DCHS2: variants seen among roughly 807,000 people sequenced by gnomAD.
DCHS2 encodes the protein protocadherin-23.
A neutral mutation model predicts 182.4 loss-of-function variants in DCHS2; 142 were observed. The ratio of observed to expected loss-of-function variants is 0.78; its 90% CI spans 0.68 to 0.89. DCHS2 has a LOEUF of 0.89. Ranked by LOEUF, DCHS2 falls within the 40% of genes least tolerant of loss-of-function variation. DCHS2 has a pLI of 0.00. For synonymous variants in DCHS2, 1,740 were observed against 1,663.3 expected, an observed-to-expected ratio of 1.05 and a Z score of -1.12; for missense variants, 4,319 against 4,198.6, an observed-to-expected ratio of 1.03 and a Z score of -0.79.
intron 1 of DCHS2, among the ~76,000 whole-genome samples, chr4:154,449,465 G>A (rs577567728): frequency 3.9e-5 from 6 of 151,912 alleles, no homozygotes; most frequent in Non-Finnish European, 7.4e-5. Flanking sequence ...CCACTTCCCA[G>A]GCTCAAGGGA....
chr4:154,466,774 T>C (rs897352622), intron 1 of DCHS2, among the ~76,000 whole-genome samples: 7 of 152,234 alleles, frequency 4.6e-5, no homozygotes, highest in Non-Finnish European at 8.8e-5. Flanking sequence ...AGCTAGGTTT[T>C]AAGAAACAGA....
chr4:154,399,053 A>T (rs952558688), intron 1 of DCHS2, among the ~76,000 whole-genome samples: 1 of 152,218 alleles, frequency 6.6e-6, no homozygotes, highest in East Asian at 1.9e-4. Context: ...CATGCCTCCA[A>T]AAAACATCAT....
intron 1 of DCHS2, among the ~76,000 whole-genome samples, chr4:154,415,983 C>T (rs1290140932): frequency 6.6e-6 from 1 of 151,800 alleles, no homozygotes; most frequent in Non-Finnish European, 1.5e-5. Context: ...TGTATACATT[C>T]ACATTTATAC....
chr4:154,473,217 A>G (rs1201769278), intron 1 of DCHS2, among the ~76,000 whole-genome samples: 2 of 152,152 alleles, frequency 1.3e-5, no homozygotes, highest in South Asian at 2.1e-4. Flanking sequence ...CTCCAACTCT[A>G]TGTGAAAAAC....
chr4:154,401,637 G>T (rs184252113), intron 1 of DCHS2, among the ~76,000 whole-genome samples: 164 of 151,960 alleles, frequency 1.1e-3, no homozygotes, highest in African/African-American at 3.4e-3. Context: ...TTCTTTTATG[G>T]TCTGGGCATT....
At chr4:154,433,618 T>A (rs1199630068) in intron 1 of DCHS2, among the ~76,000 whole-genome samples, 1 of 152,032 alleles carries the variant, frequency 6.6e-6, no homozygotes. Context: ...TGGTCTATGA[T>A]CTCTTGACCT....
At position 154,406,145 on chromosome 4, in the gene DCHS2, T is replaced by C. The variant is rs565071971; in HGVS notation, c.2053-28701A>G. Among the ~76,000 whole-genome samples the C allele has an allele frequency of 2.0e-5, 3 of 152,354 alleles. No homozygotes were observed. The East Asian group carries it at 5.8e-4, about 29-fold the overall frequency. ...AACTGCATCTGTTCTCTGCTGCACC[T>C]CAGAGTCTGGGCCAGCATATGCACA... On this transcript the variant is annotated intron_variant, in intron 1 of 19. Coordinates refer to ENST00000357232, the MANE Select transcript of DCHS2 (RefSeq NM_001358235.2).
chr4:154,407,123 G>A (rs1252564613), intron 1 of DCHS2, among the ~76,000 whole-genome samples: 1 of 152,180 alleles, frequency 6.6e-6, no homozygotes, highest in Non-Finnish European at 1.5e-5. Context: ...GGCAACATGA[G>A]GGAGGACAGG....
At position 154,286,504 on chromosome 4, in the gene DCHS2, G is replaced by C. The variant is rs563640067; in HGVS notation, c.6463+11347C>G. On this transcript the variant is annotated intron_variant, in intron 13 of 19. Transcript: ENST00000357232. ...AATCCTACTGGATAACTTTAACAAAGAGATTGAAGTAATTGAAAAAATTCA... is the reference window on the plus strand; with the variant it reads ...AATCCTACTGGATAACTTTAACAAACAGATTGAAGTAATTGAAAAAATTCA... 2.4e-3 allele frequency among the ~76,000 whole-genome samples: 362 copies of C among 152,044 alleles called. 3 individuals are homozygous for C. The highest frequency in any genetic ancestry group is 4.1e-3 in the Non-Finnish European group (276 of 67,968).
intron 12 of DCHS2, chr4:154,298,930 C>A: frequency 2.2e-6 from 1 of 463,278 alleles, no homozygotes; most frequent in Non-Finnish European, 3.5e-6. Flanking sequence ...TAATATGATT[C>A]AATGCCTATC....
intron 1 of DCHS2, among the ~76,000 whole-genome samples, chr4:154,451,838 T>C (rs1482424985): frequency 1.3e-5 from 2 of 152,284 alleles, no homozygotes; most frequent in Admixed American, 6.5e-5. Flanking sequence ...TGGAACATGA[T>C]TGGAAAATTG....
chr4:154,355,227 G>A (rs1168140578), intron 3 of DCHS2, among the ~76,000 whole-genome samples: 3 of 151,906 alleles, frequency 2.0e-5, no homozygotes, highest in Admixed American at 6.6e-5. Context: ...TAAAGAAGCA[G>A]GCCAAAACCC....
At chr4:154,472,678 A>G (rs1253482777) in intron 1 of DCHS2, among the ~76,000 whole-genome samples, 4 of 152,212 alleles carry the variant, frequency 2.6e-5, no homozygotes, top group Non-Finnish European at 5.9e-5. Context: ...TGACGGAAGC[A>G]TAAAGACTTT....
At chr4:154,482,031 G>A (rs554450095) in intron 1 of DCHS2, among the ~76,000 whole-genome samples, 33 of 152,260 alleles carry the variant, frequency 2.2e-4, no homozygotes, top group Admixed American at 5.9e-4. Flanking sequence ...GTAACAGCCT[G>A]GGCTGTTTAA....
At chr4:154,416,885 TC>T (rs1732853811) in intron 1 of DCHS2, among the ~76,000 whole-genome samples, 1 of 152,068 alleles carries the variant, frequency 6.6e-6, no homozygotes, top group Non-Finnish European at 1.5e-5. Context: ...TCATTTTATT[TC>T]CCAGATGTTT....
At position 154,235,169 on chromosome 4, in the gene DCHS2, G is replaced by A. The variant is rs1731400021; in HGVS notation, c.9483C>T (p.Ser3161=). ...VMVTAETAEA[S]QTFGEGDQGE... ...CTTGATCTCCTTCCCCAAATGTTTG[G>A]CTGGCTTCTGCTGTTTCGGCAGTCA... The change falls in exon 20 of 20, where the codon AGC becomes AGT. Residue 3161 remains serine, a synonymous_variant. Coordinates refer to ENST00000357232, the MANE Select transcript of DCHS2 (RefSeq NM_001358235.2). 3.7e-6 allele frequency: 6 copies of A among 1,614,006 alleles called. No individual in the cohort carries two copies. In the East Asian group the frequency reaches 1.3e-4, roughly 36 times the overall value.
Position 154,237,111 on chromosome 4 carries a change from G to C in DCHS2, c.7541C>G (p.Thr2514Arg). Residue 2514 changes from threonine (T) to arginine (R), a missense_variant, in exon 20 of 20, where the codon ACA (threonine) becomes AGA (arginine). Thr to Arg is a moderately conservative substitution (Grantham distance 71). Coordinates refer to ENST00000357232, the MANE Select transcript of DCHS2 (RefSeq NM_001358235.2). ...SPVLLLDTIS[T>R]TQFLVEASDG... ...ACTGGCTTCCACAAGAAATTGAGTT[G>C]TTGATATTGTATCCAGAAGTAATAC... is the stretch of plus-strand genomic sequence containing the variant. 6.2e-7 allele frequency: 1 copy of C among 1,613,626 alleles called. No individual in the cohort carries two copies. Among genetic ancestry groups the C allele is most frequent in the Non-Finnish European group, 8.5e-7 (1 of 1,179,850 alleles).
intron 10 of DCHS2, among the ~76,000 whole-genome samples, chr4:154,313,786 G>C (rs1458277112): frequency 6.6e-6 from 1 of 152,104 alleles, no homozygotes; most frequent in Non-Finnish European, 1.5e-5. Context: ...AAATATGTAA[G>C]GTTACATGAG....
chr4:154,375,186 T>C (rs1021740430), intron 2 of DCHS2, among the ~76,000 whole-genome samples: 7 of 151,648 alleles, frequency 4.6e-5, no homozygotes, highest in Admixed American at 3.3e-4. Context: ...TGAAAAAAAG[T>C]AAGTATGAAA....
Sources: gnomAD v4.1 joint callset for allele counts (sites outside exome capture counted in the v4.1 genomes callset) on GRCh38, gnomAD v4.1.1 for gene constraint, MANE v1.5 for transcripts, NCBI Gene and HGNC (gene_info 2026-07-23, HGNC 2026-07-21) for gene names.